Variants in TSPAN18 observed in about 807,000 individuals in gnomAD.
TSPAN18 encodes tetraspanin 18.
In TSPAN18, 14 loss-of-function variants were observed where a neutral mutation model predicts 27.3. The observed-to-expected ratio is 0.51, with a 90% CI of 0.34 to 0.80. TSPAN18 has a LOEUF of 0.80. TSPAN18 is among the 30% of genes least tolerant of loss of function. The probability of loss-of-function intolerance (pLI) is 0.01; values close to 1 mark genes in which losing one functional copy is unlikely to be tolerated. For synonymous variants in TSPAN18, 143 were observed against 136.5 expected (o/e 1.05, Z -0.33); for missense variants, 268 against 323.9 (o/e 0.83, Z 1.32).
chr11:44,746,267 T>A (rs956312300), intron 1 of TSPAN18, among the ~76,000 whole-genome samples: 2 of 152,180 alleles, frequency 1.3e-5, no homozygotes, highest in Non-Finnish European at 2.9e-5. Flanking sequence ...TCTCTGGGAC[T>A]CCCAGCCTCT....
intron 2 of TSPAN18, among the ~76,000 whole-genome samples, chr11:44,809,919 G>T (rs575828178): frequency 2.0e-5 from 3 of 152,074 alleles, no homozygotes. Context: ...GCACCCACTG[G>T]GTCCTCACAC....
Position 44,930,814 on chromosome 11 carries a change from GGA to G in TSPAN18, c.*1638_*1639del. On this transcript the variant is annotated 3_prime_UTR_variant, in exon 10 of 10. Coordinates refer to ENST00000520358, the MANE Select transcript of TSPAN18 (RefSeq NM_130783.5). ...ATGTCTGCCACGGGCAGGGATGGAAGGAGCAGTGTGATGTCTGCTCTCTTCTC... is the reference window on the plus strand; with the variant it reads ...ATGTCTGCCACGGGCAGGGATGGAAGGCAGTGTGATGTCTGCTCTCTTCTC... 2.1e-6 allele frequency: 1 copy of G among 481,210 alleles called. No homozygotes were observed. Among genetic ancestry groups the G allele is most frequent in the Non-Finnish European group, 4.3e-6 (1 of 232,742 alleles). The allele number at this position is 481,210 out of a possible 1,614,324, so 29.8% of individuals were successfully genotyped here.
chr11:44,783,016 A>G (rs908350318), intron 2 of TSPAN18, among the ~76,000 whole-genome samples: 6 of 151,972 alleles, frequency 3.9e-5, no homozygotes, highest in African/African-American at 1.5e-4. Context: ...TTTAGTAGAG[A>G]TGGCGTTTTA....
At chr11:44,925,359 C>T (rs192047733) in intron 8 of TSPAN18, among the ~76,000 whole-genome samples, 1 of 152,304 alleles carries the variant, frequency 6.6e-6, no homozygotes, top group East Asian at 1.9e-4. Context: ...TATCATGGAC[C>T]CAGATCGTCG....
chr11:44,754,567 CT>C (rs750465720), intron 1 of TSPAN18, among the ~76,000 whole-genome samples: 9 of 152,210 alleles, frequency 5.9e-5, no homozygotes, highest in Admixed American at 1.3e-4. Context: ...AGCCTGGTAT[CT>C]TTGCTCAAAC....
chr11:44,900,256 G>T (rs1378963668), intron 3 of TSPAN18, among the ~76,000 whole-genome samples: 1 of 152,232 alleles, frequency 6.6e-6, no homozygotes, highest in Non-Finnish European at 1.5e-5. Context: ...CAGCCTGGCG[G>T]TGGGTGATGG....
At chr11:44,919,552 G>A in intron 7 of TSPAN18, 1 of 608,178 alleles carries the variant, frequency 1.6e-6, no homozygotes, top group Non-Finnish European at 2.9e-6. Flanking sequence ...TTATGATGAT[G>A]ATAATAACCA....
intron 2 of TSPAN18, among the ~76,000 whole-genome samples, chr11:44,779,249 G>A (rs1490534930): frequency 6.6e-6 from 1 of 152,158 alleles, no homozygotes; most frequent in Non-Finnish European, 1.5e-5. Flanking sequence ...CCCAGGTCAT[G>A]TCAAGTGAGA....
Position 44,792,289 on chromosome 11 carries a change from G to A in TSPAN18, c.-153+27777G>A, listed in dbSNP as rs201290069. 1.3e-4 allele frequency among the ~76,000 whole-genome samples: 20 copies of A among 152,312 alleles called. No individual in the cohort carries two copies. In the East Asian group the frequency reaches 3.1e-3, roughly 24 times the overall value. ...GACATTTAAACAGTGTTGAGGAAGT[G>A]AGGGAACAGCTTGGAGCATCTGCGG... On this transcript the variant is annotated intron_variant, in intron 2 of 9. Coordinates refer to ENST00000520358, the MANE Select transcript of TSPAN18 (RefSeq NM_130783.5).
chr11:44,755,857 G>A (rs943338031), intron 1 of TSPAN18, among the ~76,000 whole-genome samples: 1 of 152,110 alleles, frequency 6.6e-6, no homozygotes, highest in African/African-American at 2.4e-5. Context: ...GGACTCAGAA[G>A]GGTGGCTATT....
intron 1 of TSPAN18, among the ~76,000 whole-genome samples, chr11:44,748,705 A>T (rs1458356057): frequency 6.6e-6 from 1 of 152,156 alleles, no homozygotes; most frequent in Non-Finnish European, 1.5e-5. Context: ...TATTCTTCTC[A>T]TTTCCTCCTC....
At position 44,920,731 on chromosome 11, in the gene TSPAN18, G is replaced by GC. The variant is rs551739371; in HGVS notation, c.615+737dup. On this transcript the variant is annotated intron_variant, in intron 8 of 9. Transcript: ENST00000520358. ...GAGGGTGATCTAAGCCTGGGCCCCA[G>GC]CCCCCTTGCTTGAGTAGGACTTTAA... is the stretch of plus-strand genomic sequence containing the variant. Among the ~76,000 whole-genome samples, 36 of 152,242 alleles carry GC rather than the reference G, an allele frequency of 2.4e-4. No individual in the cohort carries two copies. In the East Asian group the frequency reaches 4.8e-3, roughly 20 times the overall value.
At chr11:44,748,125 T>C (rs1288787561) in intron 1 of TSPAN18, among the ~76,000 whole-genome samples, 1 of 152,218 alleles carries the variant, frequency 6.6e-6, no homozygotes, top group African/African-American at 2.4e-5. Context: ...CATCATTTTC[T>C]GGCCGGGCAT....
intron 2 of TSPAN18, among the ~76,000 whole-genome samples, chr11:44,765,663 T>A (rs1310160102): frequency 6.6e-6 from 1 of 152,218 alleles, no homozygotes; most frequent in Non-Finnish European, 1.5e-5. Context: ...AGTAATGTCA[T>A]CGAGATTTGA....
chr11:44,772,458 C>T (rs1855709887), intron 2 of TSPAN18, among the ~76,000 whole-genome samples: 1 of 152,050 alleles, frequency 6.6e-6, no homozygotes, highest in Non-Finnish European at 1.5e-5. Flanking sequence ...GTCAACAGTT[C>T]TTAATTACGT....
chr11:44,845,009 A>G (rs1320767479), intron 2 of TSPAN18, among the ~76,000 whole-genome samples: 1 of 152,202 alleles, frequency 6.6e-6, no homozygotes, highest in Admixed American at 6.5e-5. Context: ...CTCAATGCCA[A>G]TACTTTAGAT....
At chr11:44,810,628 G>T (rs1856693485) in intron 2 of TSPAN18, among the ~76,000 whole-genome samples, 3 of 149,084 alleles carry the variant, frequency 2.0e-5, no homozygotes, top group African/African-American at 5.0e-5. Context: ...TTGAGACAGG[G>T]TCTCACTGTG....
At chr11:44,926,883 G>A in intron 9 of TSPAN18, 126 bp downstream of exon 9, 1 of 919,270 alleles carries the variant, frequency 1.1e-6, no homozygotes, top group Non-Finnish European at 1.7e-6. Context: ...CCCACTGTGG[G>A]TGCTATGGGG....
At chr11:44,756,839 A>G (rs1389153580) in intron 1 of TSPAN18, among the ~76,000 whole-genome samples, 1 of 152,134 alleles carries the variant, frequency 6.6e-6, no homozygotes, top group East Asian at 1.9e-4. Flanking sequence ...AGTTATTTGC[A>G]TGTTTTAGCT....
Sources: allele counts gnomAD v4.1 joint callset (sites outside exome capture counted in the v4.1 genomes callset), GRCh38; gene constraint gnomAD v4.1.1; transcripts MANE v1.5; gene names NCBI Gene and HGNC (gene_info 2026-07-23, HGNC 2026-07-21).